The following SDK1 variants were observed in gnomAD, a reference collection of about 807,000 sequenced individuals.
SDK1 encodes sidekick cell adhesion molecule 1, also known as protein sidekick-1.
A neutral mutation model predicts 245.5 loss-of-function variants in SDK1; 157 were observed. The observed-to-expected ratio is 0.64, with a 90% CI of 0.56 to 0.73. The LOEUF (loss-of-function observed/expected upper bound fraction) is 0.73. Ranked by LOEUF, SDK1 falls within the 30% of genes least tolerant of loss-of-function variation. The probability of loss-of-function intolerance (pLI) is 0.00; values close to 1 mark genes in which losing one functional copy is unlikely to be tolerated. For missense variants in SDK1, 3,583 were observed against 3,002.3 expected, an observed-to-expected ratio of 1.19 and a Z score of -4.52; for synonymous variants, 1,647 against 1,278.5, an observed-to-expected ratio of 1.29 and a Z score of -6.15.
At chr7:3,455,756 C>G (rs1477304942) in intron 1 of SDK1, among the ~76,000 whole-genome samples, 4 of 152,044 alleles carry the variant, frequency 2.6e-5, no homozygotes, top group African/African-American at 4.8e-5. Flanking sequence ...TTTAGCTATT[C>G]TAGGTTCTTT....
chr7:3,822,928 G>C (rs894448393), intron 5 of SDK1, among the ~76,000 whole-genome samples: 1 of 152,108 alleles, frequency 6.6e-6, no homozygotes, highest in African/African-American at 2.4e-5. Flanking sequence ...TTAACTGAGT[G>C]GGGTCTCAGA....
At chr7:3,427,700 C>G (rs1052612703) in intron 1 of SDK1, among the ~76,000 whole-genome samples, 1 of 152,032 alleles carries the variant, frequency 6.6e-6, no homozygotes, top group Non-Finnish European at 1.5e-5. Context: ...GTATTTCATC[C>G]TTTGTGCTTT....
chr7:3,961,151 A>G (rs1364980143), intron 8 of SDK1, among the ~76,000 whole-genome samples: 2 of 152,236 alleles, frequency 1.3e-5, no homozygotes, highest in Non-Finnish European at 2.9e-5. Flanking sequence ...GCTGTCATAT[A>G]ATTTACTGCT....
intron 5 of SDK1, among the ~76,000 whole-genome samples, chr7:3,850,282 A>C (rs1031983812): frequency 3.3e-5 from 5 of 152,198 alleles, no homozygotes; most frequent in Non-Finnish European, 7.3e-5. Flanking sequence ...TATGTATCTC[A>C]TGAGAACATT....
intron 20 of SDK1, among the ~76,000 whole-genome samples, chr7:4,073,649 A>G (rs1780415006): frequency 6.6e-6 from 1 of 152,184 alleles, no homozygotes. Context: ...CCGAGGATCA[A>G]ATTATTTAGC....
At chr7:4,110,818 C>T in intron 23 of SDK1, 46 bp downstream of exon 23, 1 of 1,367,088 alleles carries the variant, frequency 7.3e-7, no homozygotes. Context: ...ACACTGGCAG[C>T]CCAGGCAGGT....
Position 4,063,472 on chromosome 7 carries a change from A to G in SDK1, c.2912-4366A>G, listed in dbSNP as rs1399271571. Among the ~76,000 whole-genome samples, 3 of 152,178 alleles carry G rather than the reference A, an allele frequency of 2.0e-5. No homozygotes were observed. The East Asian group carries it at 5.8e-4, about 29-fold the overall frequency. ...GAAACTGAAGAAGACACAAGTAAAT[A>G]GAAAGACATCCCATGCTCATGGATC... On this transcript the variant is annotated intron_variant, in intron 19 of 44. Coordinates refer to ENST00000404826, the MANE Select transcript of SDK1 (RefSeq NM_152744.4).
chr7:3,367,974 G>C (rs1156443009), intron 1 of SDK1, among the ~76,000 whole-genome samples: 1 of 152,172 alleles, frequency 6.6e-6, no homozygotes, highest in Admixed American at 6.5e-5. Context: ...TCTCTTCCCT[G>C]TAAGGATGAA....
At chr7:3,476,795 C>T (rs1015331228) in intron 1 of SDK1, among the ~76,000 whole-genome samples, 1 of 152,180 alleles carries the variant, frequency 6.6e-6, no homozygotes, top group Non-Finnish European at 1.5e-5. Context: ...TAGTCATACA[C>T]CCAGCAAGGT....
At chr7:3,309,497 A>G (rs182133143) in intron 1 of SDK1, among the ~76,000 whole-genome samples, 2 of 150,164 alleles carry the variant, frequency 1.3e-5, no homozygotes, top group Admixed American at 6.7e-5. Flanking sequence ...AGGTAATAGA[A>G]TAGTGGCAGA....
At chr7:3,351,923 T>G (rs1780670516) in intron 1 of SDK1, among the ~76,000 whole-genome samples, 1 of 152,074 alleles carries the variant, frequency 6.6e-6, no homozygotes, top group Non-Finnish European at 1.5e-5. Context: ...AGTTCCTGTA[T>G]AATCCATTCT....
intron 20 of SDK1, among the ~76,000 whole-genome samples, chr7:4,070,912 A>T (rs1053731669): frequency 2.0e-5 from 3 of 151,442 alleles, no homozygotes; most frequent in Admixed American, 6.6e-5. Context: ...GGGTTTCACC[A>T]TGTTAGCCAG....
intron 13 of SDK1, among the ~76,000 whole-genome samples, chr7:3,975,887 GC>G (rs1251951498): frequency 6.6e-6 from 1 of 152,226 alleles, no homozygotes; most frequent in African/African-American, 2.4e-5. Flanking sequence ...TCCTGGTGCT[GC>G]AGCTGCAAAG....
chr7:3,996,090 A>G (rs1194308785), intron 14 of SDK1, among the ~76,000 whole-genome samples: 1 of 152,124 alleles, frequency 6.6e-6, no homozygotes, highest in Non-Finnish European at 1.5e-5. Flanking sequence ...TAGGTGTGTT[A>G]TATACTCTGG....
intron 4 of SDK1, among the ~76,000 whole-genome samples, chr7:3,820,622 TGA>T (rs1332116027): frequency 6.6e-6 from 1 of 152,218 alleles, no homozygotes; most frequent in Non-Finnish European, 1.5e-5. Flanking sequence ...AGTAGTATAA[TGA>T]GAGTCTTTCT....
chr7:3,807,026 G>A (rs572970278), intron 4 of SDK1, among the ~76,000 whole-genome samples: 2 of 152,156 alleles, frequency 1.3e-5, no homozygotes, highest in South Asian at 2.1e-4. Context: ...AGGCAAATCT[G>A]AAGTTGTCAT....
At chr7:3,464,979 G>T (rs977221123) in intron 1 of SDK1, among the ~76,000 whole-genome samples, 1 of 152,014 alleles carries the variant, frequency 6.6e-6, no homozygotes, top group South Asian at 2.1e-4. Flanking sequence ...ACTTCGTGCT[G>T]CTAAGGCTAA....
chr7:4,197,656 G>C (rs1184788832), intron 35 of SDK1, among the ~76,000 whole-genome samples: 1 of 152,214 alleles, frequency 6.6e-6, no homozygotes, highest in Non-Finnish European at 1.5e-5. Flanking sequence ...GCTGGCGTCA[G>C]GCTCACTGTC....
intron 14 of SDK1, among the ~76,000 whole-genome samples, chr7:3,998,475 A>T (rs1166757980): frequency 6.6e-5 from 10 of 152,240 alleles, no homozygotes; most frequent in Non-Finnish European, 1.5e-4. Flanking sequence ...TATTCTTAAA[A>T]TAACAAAATA....
Sources: allele counts gnomAD v4.1 joint callset (sites outside exome capture counted in the v4.1 genomes callset), GRCh38; gene constraint gnomAD v4.1.1; transcripts MANE v1.5; gene names NCBI Gene and HGNC (gene_info 2026-07-23, HGNC 2026-07-21).